The following VPS37B variants were observed in gnomAD, a reference collection of about 807,000 sequenced individuals.
The protein encoded by VPS37B is vacuolar protein sorting-associated protein 37B.
In VPS37B, 11 loss-of-function variants were observed where a neutral mutation model predicts 21.2. That is an observed-to-expected ratio of 0.52 (90% CI 0.33 to 0.86). The LOEUF is 0.86. VPS37B is among the 40% of genes least tolerant of loss of function. The pLI is 0.03. For synonymous variants in VPS37B, 175 were observed against 159.6 expected, an observed-to-expected ratio of 1.10 and a Z score of -0.73; for missense variants, 389 against 374.8, an observed-to-expected ratio of 1.04 and a Z score of -0.31.
At position 122,865,714 on chromosome 12, in the gene VPS37B, C is replaced by G. The variant is rs1430897129; in HGVS notation, c.*1402G>C. 1 of 152,322 alleles carries G rather than the reference C, an allele frequency of 6.6e-6. No homozygotes were observed. Among genetic ancestry groups the G allele is most frequent in the Non-Finnish European group, 1.5e-5 (1 of 68,090 alleles). The allele number at this position is 152,322 out of a possible 1,614,324, so 9.4% of individuals were successfully genotyped here. ...CCGTGGCCCAGACCCCGCTTCAGTTCTGCCTTCTGTCACCCTGGCGGCTAG... is the reference window on the plus strand; with the variant it reads ...CCGTGGCCCAGACCCCGCTTCAGTTGTGCCTTCTGTCACCCTGGCGGCTAG... On this transcript the variant is annotated 3_prime_UTR_variant, in exon 4 of 4. Transcript: ENST00000267202.
intron 1 of VPS37B, chr12:122,885,977 C>A (rs2034321783): frequency 6.6e-6 from 1 of 152,000 alleles, no homozygotes; most frequent in Non-Finnish European, 1.5e-5. Flanking sequence ...GCCACCGCGC[C>A]CGGCCGTAAA....
At chr12:122,885,032 C>T (rs976534029) in intron 1 of VPS37B, 3 of 152,114 alleles carry the variant, frequency 2.0e-5, no homozygotes, top group Admixed American at 6.5e-5. Context: ...TTAACTCTCA[C>T]GTGACTCCAA....
rs182307500 is a variant in VPS37B at position 122,866,200 on chromosome 12, G to C, written c.*916C>G. 1 of 151,640 alleles carries C rather than the reference G, an allele frequency of 6.6e-6. No homozygotes were observed. The highest frequency in any genetic ancestry group is 6.6e-5 in the Admixed American group (1 of 15,210). The allele number at this position is 151,640 out of a possible 1,614,324, so 9.4% of individuals were successfully genotyped here. A position where few individuals can be genotyped will look rare whatever the true frequency, so the allele number is the denominator to read the frequency against. The stretch of plus-strand genomic sequence containing the variant: ...GCTAAGGCACAGCACGGACACCCGA[G>C]GGGGGGGCACCGTGCACTGCTTGCA... On this transcript the variant is annotated 3_prime_UTR_variant, in exon 4 of 4. Transcript: ENST00000267202.
intron 1 of VPS37B, chr12:122,885,060 C>T (rs1023283749): frequency 2.6e-5 from 4 of 151,960 alleles, no homozygotes; most frequent in Non-Finnish European, 4.4e-5. Context: ...TCTTCTATTC[C>T]GTTTAAATGA....
chr12:122,868,419 C>T lies in VPS37B; in HGVS notation c.366+61G>A, dbSNP rs1593904369. The T allele has an allele frequency of 1.3e-6, 2 of 1,496,868 alleles. No individual in the cohort carries two copies. Among genetic ancestry groups the T allele is most frequent in the Non-Finnish European group, 1.8e-6 (2 of 1,088,914 alleles). The allele number at this position is 1,496,868 out of a possible 1,614,324, so 92.7% of individuals were successfully genotyped here. ...GTGTGGCACTCACGGTCCCTGGAGG[C>T]AGCGGGCCCACGGACTGCCCAAAGC... is the stretch of plus-strand genomic sequence containing the variant. On this transcript the variant is annotated intron_variant, in intron 3 of 3. Coordinates refer to ENST00000267202, the MANE Select transcript of VPS37B (RefSeq NM_024667.3). The surrounding 1 kb of genome is among the most constrained non-coding windows in gnomAD (Gnocchi z 5.5).
chr12:122,867,086 G>A lies in VPS37B; in HGVS notation c.*30C>T, dbSNP rs1417070149. 2.0e-6 allele frequency: 3 copies of A among 1,494,908 alleles called. No individual in the cohort carries two copies. Among genetic ancestry groups the A allele is most frequent in the South Asian group, 2.8e-5 (2 of 71,898 alleles). 92.6% of individuals were successfully genotyped at this position (1,494,908 alleles called of 1,614,324 possible). ...GCAGAGCACAACACGCCAGGTGGAA[G>A]AAGTCTCCCGGGAAGGACCGCGCCG... is the stretch of plus-strand genomic sequence containing the variant. On this transcript the variant is annotated 3_prime_UTR_variant, in exon 4 of 4. Transcript: ENST00000267202. The surrounding 1 kb of genome is among the most constrained non-coding windows in gnomAD (Gnocchi z 5.5).
chr12:122,868,363 C>T lies in VPS37B; in HGVS notation c.366+117G>A, dbSNP rs573589419. The T allele has an allele frequency of 5.4e-5, 49 of 913,962 alleles. No homozygotes were observed. The South Asian group carries it at 6.7e-4, about 13-fold the overall frequency. The allele number at this position is 913,962 out of a possible 1,614,324, so 56.6% of individuals were successfully genotyped here. Reference sequence around the variant, plus strand: ...GCTGCCTGCTGGTATACAGCCCGTACACCTGGGAGGCACCACTCCTGGCCG... The same window carrying T: ...GCTGCCTGCTGGTATACAGCCCGTATACCTGGGAGGCACCACTCCTGGCCG... On this transcript the variant is annotated intron_variant, in intron 3 of 3. Coordinates refer to ENST00000267202, the MANE Select transcript of VPS37B (RefSeq NM_024667.3). This position sits in a 1 kb window ranked among gnomAD's most constrained non-coding sequence, Gnocchi z 5.5.
At chr12:122,871,635 AGCTGTT>A in intron 1 of VPS37B, 1 of 985,386 alleles carries the variant, frequency 1.0e-6, no homozygotes, top group Non-Finnish European at 1.2e-6. Context: ...TCCAGCTCCT[AGCTGTT>A]GGTGGGTGAG....
chr12:122,880,314 G>C (rs2034227477), intron 1 of VPS37B: 1 of 152,156 alleles, frequency 6.6e-6, no homozygotes, highest in African/African-American at 2.4e-5. Context: ...CAGTGAAATG[G>C]AAAGGGGGAA....
intron 1 of VPS37B, chr12:122,873,997 T>TTGAGAG (rs1169554543): frequency 1.3e-5 from 2 of 152,238 alleles, no homozygotes; most frequent in African/African-American, 4.8e-5. Flanking sequence ...CCTAAGTTTG[T>TTGAGAG]TGAGAGCTAA....
intron 1 of VPS37B, chr12:122,888,218 T>G: frequency 5.3e-6 from 1 of 188,990 alleles, no homozygotes; most frequent in South Asian, 7.7e-5. Context: ...TTCCTCACAA[T>G]CCCTTGACAA....
intron 1 of VPS37B, 144 bp from the exon 2 acceptor site, chr12:122,871,205 T>TA: frequency 7.1e-7 from 1 of 1,417,992 alleles, no homozygotes; most frequent in Non-Finnish European, 9.2e-7. Context: ...AGGCAGATGC[T>TA]ACTGACCCAG....
At chr12:122,871,344 G>A (rs1379371167) in intron 1 of VPS37B, 1 of 1,143,882 alleles carries the variant, frequency 8.7e-7, no homozygotes, top group South Asian at 3.7e-5. Flanking sequence ...TGCCACGGCT[G>A]CGCTGTGACT....
chr12:122,885,828 C>T (rs984128238), intron 1 of VPS37B: 1 of 149,940 alleles, frequency 6.7e-6, no homozygotes, highest in Non-Finnish European at 1.5e-5. Flanking sequence ...GGACTACAGG[C>T]GCCCGCTACC....
rs112273201 is a variant in VPS37B at position 122,893,662 on chromosome 12, GT to G, written c.111+2289del. On this transcript the variant is annotated intron_variant, in intron 1 of 3. Transcript: ENST00000267202. ...AGTGATCCTCGCTAGGTGAGCTAAG[GT>G]ATTTTGGTTTTCAAGTTGTTTCCTT... Among the ~76,000 whole-genome samples, 137 of 152,052 alleles carry G rather than the reference GT, an allele frequency of 9.0e-4. 2 individuals are homozygous for G. The highest frequency in any genetic ancestry group is 3.2e-3 in the African/African-American group (133 of 41,406).
rs1369421529 is a variant in VPS37B, at chr12:122,881,559, AAAGT to A, written c.112-10502_112-10499del. On this transcript the variant is annotated intron_variant, in intron 1 of 3. Transcript: ENST00000267202. Reference sequence around the variant, plus strand: ...TTGGTTGGAGAACAGCCTGAGCAATAAAGTAAGACCCCATCTCTACAAAAAATAA... The same window carrying A: ...TTGGTTGGAGAACAGCCTGAGCAATAAAGACCCCATCTCTACAAAAAATAA... 3 of 152,338 alleles carry A rather than the reference AAAGT, an allele frequency of 2.0e-5. No homozygotes were observed. The East Asian group carries it at 5.8e-4, about 29-fold the overall frequency. The allele number at this position is 152,338 out of a possible 1,614,324, so 9.4% of individuals were successfully genotyped here.
rs2033945717 is a variant in VPS37B, at chr12:122,868,110, T to C, written c.366+370A>G. 6.6e-6 allele frequency among the ~76,000 whole-genome samples: 1 copy of C among 152,214 alleles called. No individual in the cohort carries two copies. Among genetic ancestry groups the C allele is most frequent in the African/African-American group, 2.4e-5 (1 of 41,448 alleles). On this transcript the variant is annotated intron_variant, in intron 3 of 3. Transcript: ENST00000267202. The surrounding 1 kb of genome is among the most constrained non-coding windows in gnomAD (Gnocchi z 5.5). ...GACCTTGACTCATTTCCTTATCGCC[T>C]GGCGAGGCTCAAGGCTCTAATGCGC...
intron 1 of VPS37B, chr12:122,883,385 A>T (rs542840323): frequency 6.6e-6 from 1 of 152,376 alleles, no homozygotes; most frequent in Non-Finnish European, 1.5e-5. Context: ...TAAATGGACT[A>T]TTCCTAGGTA....
At chr12:122,871,273 A>T in intron 1 of VPS37B, 1 of 1,332,486 alleles carries the variant, frequency 7.5e-7, no homozygotes, top group Non-Finnish European at 9.6e-7. Flanking sequence ...AATGAGGCCG[A>T]CTTCCTTCCA....
Sources: allele counts gnomAD v4.1 joint callset (sites outside exome capture counted in the v4.1 genomes callset), GRCh38; gene constraint gnomAD v4.1.1; non-coding constraint Gnocchi (gnomAD v3.1); transcripts MANE v1.5; gene names NCBI Gene and HGNC (gene_info 2026-07-23, HGNC 2026-07-21).